XKR4: variants seen among roughly 807,000 people sequenced by gnomAD.
XKR4 encodes XK-related protein 4.
XKR4 carries 12 observed loss-of-function variants against 53.9 expected under a neutral mutation model. That is an observed-to-expected ratio of 0.22 (90% confidence interval 0.14 to 0.36). The LOEUF (loss-of-function observed/expected upper bound fraction) is 0.36. Among genes scored for constraint, XKR4 ranks in the 10% least tolerant of loss-of-function variants. The pLI, the probability that XKR4 is intolerant of heterozygous loss-of-function variation, is 1.00. For synonymous variants in XKR4, 354 were observed against 362.4 expected, an observed-to-expected ratio of 0.98 and a Z score of 0.26; for missense variants, 799 against 859.5, an observed-to-expected ratio of 0.93 and a Z score of 0.88.
chr8:55,177,288 C>T (rs1415142882), intron 1 of XKR4, among the ~76,000 whole-genome samples: 2 of 152,170 alleles, frequency 1.3e-5, no homozygotes, highest in Admixed American at 6.5e-5. Flanking sequence ...CTGCCCACCT[C>T]GGCCTCCCAA....
chr8:55,403,844 T>A (rs1325230692), intron 2 of XKR4, among the ~76,000 whole-genome samples: 3 of 152,222 alleles, frequency 2.0e-5, no homozygotes, highest in Non-Finnish European at 4.4e-5. Flanking sequence ...AACAATTTTC[T>A]TCTCAATAAA....
At chr8:55,399,674 G>T (rs767175940) in intron 2 of XKR4, among the ~76,000 whole-genome samples, 1 of 152,180 alleles carries the variant, frequency 6.6e-6, no homozygotes, top group Non-Finnish European at 1.5e-5. Context: ...TGACATGGGC[G>T]CTCGTGCCAA....
intron 2 of XKR4, among the ~76,000 whole-genome samples, chr8:55,498,940 G>T (rs1374204048): frequency 6.6e-6 from 1 of 152,238 alleles, no homozygotes; most frequent in Non-Finnish European, 1.5e-5. Flanking sequence ...GAAAGGACTT[G>T]ACTTTCTAGG....
chr8:55,134,101 C>T (rs117788216), intron 1 of XKR4, among the ~76,000 whole-genome samples: 2,686 of 152,248 alleles, frequency 0.018, 40 homozygotes, highest in Middle Eastern at 0.051. Context: ...CAGCTAATTA[C>T]AGAAAATAAT....
chr8:55,301,947 C>T (rs1819206230), intron 1 of XKR4, among the ~76,000 whole-genome samples: 1 of 152,122 alleles, frequency 6.6e-6, no homozygotes, highest in Non-Finnish European at 1.5e-5. Flanking sequence ...TTGTAGGTTG[C>T]CTGTTCACTC....
chr8:55,127,339 G>A (rs1294486707), intron 1 of XKR4, among the ~76,000 whole-genome samples: 4 of 149,898 alleles, frequency 2.7e-5, no homozygotes, highest in Admixed American at 6.7e-5. Context: ...TGCAACCTCC[G>A]CCTCCTGGGC....
At position 55,540,102 on chromosome 8, in the gene XKR4, A is replaced by T. The variant is rs766386260; in HGVS notation, c.*15875A>T. 1 of 152,220 alleles carries T rather than the reference A, an allele frequency of 6.6e-6. No individual in the cohort carries two copies. Among genetic ancestry groups the T allele is most frequent in the African/African-American group, 2.4e-5 (1 of 41,454 alleles). The allele number at this position is 152,220 out of a possible 1,614,324, so 9.4% of individuals were successfully genotyped here. A position where few individuals can be genotyped will look rare whatever the true frequency, so the allele number is the denominator to read the frequency against. ...CTCTTTTCAAGGCTTTCCAGACCAC[A>T]TGGAACTCTCCAGAGCCCTCCTTGA... On this transcript the variant is annotated 3_prime_UTR_variant, in exon 3 of 3. Transcript: ENST00000327381.
chr8:55,133,942 G>A (rs563650664), intron 1 of XKR4, among the ~76,000 whole-genome samples: 10 of 152,304 alleles, frequency 6.6e-5, no homozygotes, highest in South Asian at 2.1e-4. Context: ...AAGTGAAAAC[G>A]TCCATAACAG....
intron 2 of XKR4, among the ~76,000 whole-genome samples, chr8:55,475,398 T>C (rs904719463): frequency 1.3e-5 from 2 of 151,422 alleles, no homozygotes; most frequent in Non-Finnish European, 2.9e-5. Flanking sequence ...GTTGTTGTTG[T>C]TGTTGTTGTT....
chr8:55,217,038 C>T (rs1451424020), intron 1 of XKR4, among the ~76,000 whole-genome samples: 8 of 151,630 alleles, frequency 5.3e-5, no homozygotes, highest in African/African-American at 7.3e-5. Context: ...GTCAGGAGAT[C>T]GAGACCATCC....
chr8:55,510,474 C>A (rs1202762830), intron 2 of XKR4, among the ~76,000 whole-genome samples: 1 of 152,080 alleles, frequency 6.6e-6, no homozygotes, highest in Non-Finnish European at 1.5e-5. Context: ...AAACTAAAAA[C>A]CCCACGGGAG....
intron 2 of XKR4, among the ~76,000 whole-genome samples, chr8:55,500,508 C>A (rs1424780810): frequency 1.3e-5 from 2 of 152,194 alleles, no homozygotes; most frequent in African/African-American, 4.8e-5. Flanking sequence ...AAGTAGACAA[C>A]AGTCCTTCTC....
At chr8:55,449,086 T>TAA (rs11371239) in intron 2 of XKR4, among the ~76,000 whole-genome samples, 2,373 of 148,572 alleles carry the variant, frequency 0.016, 35 homozygotes, top group Middle Eastern at 0.024. Flanking sequence ...CCTCTCAGGT[T>TAA]AAAAAAAAAA....
chr8:55,212,117 A>T (rs1410458348), intron 1 of XKR4, among the ~76,000 whole-genome samples: 1 of 145,412 alleles, frequency 6.9e-6, no homozygotes, highest in Non-Finnish European at 1.5e-5. Context: ...GTCTGGGTGA[A>T]AAAAAAAAAA....
intron 1 of XKR4, among the ~76,000 whole-genome samples, chr8:55,201,831 G>A (rs1263598615): frequency 6.6e-6 from 1 of 152,188 alleles, no homozygotes; most frequent in African/African-American, 2.4e-5. Context: ...TGCCTACAAA[G>A]TTGAGCATTT....
chr8:55,388,264 A>T (rs1390320799), intron 2 of XKR4, among the ~76,000 whole-genome samples: 1 of 152,228 alleles, frequency 6.6e-6, no homozygotes, highest in African/African-American at 2.4e-5. Context: ...TGGCATCTCA[A>T]CAAGATAATT....
At chr8:55,118,872 A>G (rs1037088828) in intron 1 of XKR4, among the ~76,000 whole-genome samples, 13 of 152,138 alleles carry the variant, frequency 8.5e-5, no homozygotes, top group Non-Finnish European at 1.8e-4. Flanking sequence ...TTCGAAGTTC[A>G]TGGCACAAAA....
At chr8:55,465,119 A>G (rs987333291) in intron 2 of XKR4, among the ~76,000 whole-genome samples, 1 of 152,300 alleles carries the variant, frequency 6.6e-6, no homozygotes, top group South Asian at 2.1e-4. Flanking sequence ...CTTTCTTCAC[A>G]GAATTGGAAA....
At chr8:55,450,346 G>A in intron 2 of XKR4, 1 of 690,462 alleles carries the variant, frequency 1.4e-6, no homozygotes, top group South Asian at 1.8e-5. Flanking sequence ...TTTCAGGTTG[G>A]ACACGTTGCT....
Sources: allele counts gnomAD v4.1 joint callset (sites outside exome capture counted in the v4.1 genomes callset), GRCh38; gene constraint gnomAD v4.1.1; transcripts MANE v1.5; gene names NCBI Gene and HGNC (gene_info 2026-07-23, HGNC 2026-07-21).